The following CREB5 variants were observed in gnomAD, a reference collection of about 807,000 sequenced individuals.
The protein encoded by CREB5 is cAMP responsive element binding protein 5, also known as cyclic AMP-responsive element-binding protein 5.
Under a neutral mutation model 57.1 loss-of-function variants are expected in CREB5, and 19 were observed. The ratio of observed to expected loss-of-function variants is 0.33; its 90% CI spans 0.23 to 0.49. The LOEUF (loss-of-function observed/expected upper bound fraction) is 0.49, where lower values mean the gene tolerates loss of function less well. Ranked by LOEUF, CREB5 falls within the 20% of genes least tolerant of loss-of-function variation. The pLI is 0.99. For missense variants in CREB5, 579 were observed against 671.6 expected (o/e 0.86, Z 1.52); for synonymous variants, 238 against 238.3 (o/e 1.00, Z 0.01).
chr7:28,634,558 A>G (rs1206865279), intron 5 of CREB5, among the ~76,000 whole-genome samples: 1 of 152,196 alleles, frequency 6.6e-6, no homozygotes, highest in Non-Finnish European at 1.5e-5. Flanking sequence ...CTGACTTCTA[A>G]GAGCCTTACA....
intron 5 of CREB5, among the ~76,000 whole-genome samples, chr7:28,643,988 G>A (rs1384728336): frequency 1.3e-5 from 2 of 151,996 alleles, no homozygotes; most frequent in African/African-American, 2.4e-5. Context: ...TGAGGTGGGA[G>A]AATTGTTTGG....
chr7:28,407,542 G>A (rs1308124751), upstream of CREB5, among the ~76,000 whole-genome samples: 1 of 152,166 alleles, frequency 6.6e-6, no homozygotes, highest in Non-Finnish European at 1.5e-5. Context: ...TTTACATTTA[G>A]AAATGATTTG....
At chr7:28,788,531 G>A (rs961784958) in intron 7 of CREB5, among the ~76,000 whole-genome samples, 2 of 152,152 alleles carry the variant, frequency 1.3e-5, no homozygotes, top group African/African-American at 4.8e-5. Context: ...CGCAGGCAAT[G>A]GAATCTACTG....
At position 28,804,349 on chromosome 7, in the gene CREB5, C is replaced by A. The variant is rs1808566951; in HGVS notation, c.853C>A (p.Pro285Thr). The A allele has an allele frequency of 9.9e-6, 16 of 1,613,612 alleles. No individual in the cohort carries two copies. Among genetic ancestry groups the A allele is most frequent in the Non-Finnish European group, 1.4e-5 (16 of 1,179,736 alleles). ...HSHPHQHQTL[P>T]PHHPYPHQHQ... is the part of the protein sequence containing the mutation. ...GCACCCGCATCAGCACCAGACACTG[C>A]CACCCCATCACCCTTACCCACACCA... Residue 285 changes from proline (P) to threonine (T), a missense_variant, in exon 8 of 11, where the codon CCA (proline) becomes ACA (threonine). Physicochemically the swap from Pro to Thr is conservative, Grantham distance 38 (BLOSUM62 -1). Coordinates refer to ENST00000357727, the MANE Select transcript of CREB5 (RefSeq NM_182898.4).
At chr7:28,385,227 T>C (rs1329347327) in intron 1 of CREB5, among the ~76,000 whole-genome samples, 1 of 152,210 alleles carries the variant, frequency 6.6e-6, no homozygotes, top group African/African-American at 2.4e-5. Flanking sequence ...AAACAGTTCT[T>C]ACCTGGCAGC....
intron 1 of CREB5, among the ~76,000 whole-genome samples, chr7:28,420,821 A>T (rs898987086): frequency 5.3e-5 from 8 of 151,424 alleles, no homozygotes; most frequent in African/African-American, 2.0e-4. Context: ...AAAAAAAAAA[A>T]AAAAAAAAGG....
intron 9 of CREB5, among the ~76,000 whole-genome samples, chr7:28,813,947 C>G (rs1809274177): frequency 6.6e-6 from 1 of 152,090 alleles, no homozygotes; most frequent in Non-Finnish European, 1.5e-5. Flanking sequence ...CTTGTATTTA[C>G]AAAATACTTT....
chr7:28,774,614 C>T (rs531034040), intron 7 of CREB5, among the ~76,000 whole-genome samples: 4 of 152,282 alleles, frequency 2.6e-5, no homozygotes, highest in East Asian at 1.9e-4. Flanking sequence ...TTATTTCACA[C>T]GTATTTTCTA....
At chr7:28,674,130 T>C (rs1800205718) in intron 5 of CREB5, among the ~76,000 whole-genome samples, 1 of 152,128 alleles carries the variant, frequency 6.6e-6, no homozygotes, top group African/African-American at 2.4e-5. Context: ...TTAAGTTCCT[T>C]ATCTTTTCTT....
chr7:28,320,690 G>A lies in CREB5; in HGVS notation c.-25+21249G>A, dbSNP rs186829610. Among the ~76,000 whole-genome samples, 252 of 152,340 alleles carry A rather than the reference G, an allele frequency of 1.7e-3. 2 individuals are homozygous for A. Among genetic ancestry groups the A allele is most frequent in the Non-Finnish European group, 2.0e-3 (138 of 68,032 alleles). On this transcript the variant is annotated intron_variant, in intron 1 of 9. Transcript: ENST00000396299. ...AAATTAGGCTTGCCGACACTTGTCT[G>A]TTTAAGCAAAGACAGCATTTTAAAT...
At chr7:28,515,909 A>AATAT (rs60865345) in intron 4 of CREB5, among the ~76,000 whole-genome samples, 2 of 150,986 alleles carry the variant, frequency 1.3e-5, no homozygotes, top group East Asian at 1.9e-4. Flanking sequence ...TTAAAGTAAA[A>AATAT]ATATATATAT....
Position 28,508,832 on chromosome 7 carries a change from G to C in CREB5, c.291+1095G>C, listed in dbSNP as rs140443835. Among the ~76,000 whole-genome samples the C allele has an allele frequency of 6.1e-4, 93 of 152,148 alleles. No individual in the cohort carries two copies. In the Middle Eastern group the frequency reaches 0.017, roughly 28 times the overall value. On this transcript the variant is annotated intron_variant, in intron 4 of 10. Transcript: ENST00000357727. ...CTCTCTCCTCCACTCCCCCTCAAAG[G>C]ATATGAAGTGCCTTTTTTCTTTTTT...
rs1186763436 is a variant in CREB5, at chr7:28,560,822, G to A, written c.292-9543G>A. On this transcript the variant is annotated intron_variant, in intron 4 of 10. Transcript: ENST00000357727. ...AGTGTGTGTGCGCGTGTGTGTGTGTGCGCGCGCGCGCGTGTGTGTGTGCGC... is the reference window on the plus strand; with the variant it reads ...AGTGTGTGTGCGCGTGTGTGTGTGTACGCGCGCGCGCGTGTGTGTGTGCGC... Among the ~76,000 whole-genome samples the A allele has an allele frequency of 2.0e-5, 2 of 97,788 alleles. 1 individual carries two copies. The highest frequency in any genetic ancestry group is 8.3e-5 in the African/African-American group (2 of 24,208). 64.2% of individuals were successfully genotyped at this position (97,788 alleles called of 152,430 possible). A position where few individuals can be genotyped will look rare whatever the true frequency, so the allele number is the denominator to read the frequency against.
chr7:28,718,934 C>T, intron 6 of CREB5, 55 bp downstream of exon 6: 2 of 1,609,980 alleles, frequency 1.2e-6, no homozygotes, highest in Non-Finnish European at 1.7e-6. Flanking sequence ...AGGTTTGCCA[C>T]TCTTGAAAGG....
At chr7:28,511,312 G>A (rs2128609085) in intron 4 of CREB5, among the ~76,000 whole-genome samples, 1 of 152,110 alleles carries the variant, frequency 6.6e-6, no homozygotes, top group Non-Finnish European at 1.5e-5. Context: ...CAAGCTGAAA[G>A]CACATAAGTG....
chr7:28,608,573 C>A (rs1797260765), intron 5 of CREB5, among the ~76,000 whole-genome samples: 1 of 152,128 alleles, frequency 6.6e-6, no homozygotes. Flanking sequence ...CCCTTCCACC[C>A]TCCTCCCAAT....
At chr7:28,808,103 A>T (rs1239394039) in intron 8 of CREB5, among the ~76,000 whole-genome samples, 2 of 152,064 alleles carry the variant, frequency 1.3e-5, no homozygotes, top group Non-Finnish European at 2.9e-5. Context: ...TCACTATCTC[A>T]CACACACACA....
At chr7:28,499,579 G>A (rs1792192303) in intron 3 of CREB5, among the ~76,000 whole-genome samples, 1 of 152,094 alleles carries the variant, frequency 6.6e-6, no homozygotes, top group South Asian at 2.1e-4. Context: ...ACACAGAACC[G>A]TGTGTCTTTT....
At chr7:28,684,874 C>T (rs10238435) in intron 5 of CREB5, among the ~76,000 whole-genome samples, 27,426 of 151,820 alleles carry the variant, frequency 0.18, 2,909 homozygotes, top group Middle Eastern at 0.25. Flanking sequence ...AATAGCAAAA[C>T]GGAGAGATGA....
Sources: allele counts gnomAD v4.1 joint callset (sites outside exome capture counted in the v4.1 genomes callset), GRCh38; gene constraint gnomAD v4.1.1; transcripts MANE v1.5; gene names NCBI Gene and HGNC (gene_info 2026-07-23, HGNC 2026-07-21).